The following GGNBP2 variants were observed in gnomAD, a reference collection of about 807,000 sequenced individuals.
GGNBP2 encodes the protein gametogenetin binding protein 2.
Under a neutral mutation model 85.9 loss-of-function variants are expected in GGNBP2, and 10 were observed. The observed-to-expected ratio is 0.12, with a 90% confidence interval of 0.07 to 0.20. The LOEUF is 0.20. Ranked by LOEUF, GGNBP2 falls within the 10% of genes least tolerant of loss-of-function variation. The pLI is 1.00. For synonymous variants in GGNBP2, 287 were observed against 285.7 expected, an observed-to-expected ratio of 1.00 and a Z score of -0.05; for missense variants, 595 against 857.8, an observed-to-expected ratio of 0.69 and a Z score of 3.83.
At position 36,589,534 on chromosome 17, in the gene GGNBP2, C is replaced by A; in HGVS notation, c.*123C>A. 2 of 715,754 alleles carry A rather than the reference C, an allele frequency of 2.8e-6. No individual in the cohort carries two copies. The highest frequency in any genetic ancestry group is 2.7e-4 in the Middle Eastern group (1 of 3,760). 44.3% of individuals were successfully genotyped at this position (715,754 alleles called of 1,614,324 possible). ...TTATCTTAAATCAATGTGATTCTTT[C>A]TTGTTTTGGGAGACGGTGGAGGTAT... On this transcript the variant is annotated 3_prime_UTR_variant, in exon 14 of 14. Coordinates refer to ENST00000613102, the MANE Select transcript of GGNBP2 (RefSeq NM_024835.5).
chr17:36,555,217 T>C (rs1446199076), intron 3 of GGNBP2, among the ~76,000 whole-genome samples: 1 of 152,252 alleles, frequency 6.6e-6, no homozygotes, highest in Non-Finnish European at 1.5e-5. Context: ...TTTTCTGCTG[T>C]ACTAATTGTT....
At chr17:36,586,417 A>G (rs187709042) in intron 12 of GGNBP2, 63 of 556,262 alleles carry the variant, frequency 1.1e-4, no homozygotes, top group African/African-American at 7.1e-4. Flanking sequence ...CAGAAATTCA[A>G]TTGTTCTTTT....
chr17:36,545,847 C>A (rs1199444078), intron 2 of GGNBP2, 30 bp downstream of exon 2: 1 of 1,474,972 alleles, frequency 6.8e-7, no homozygotes, highest in African/African-American at 1.4e-5. Context: ...CTGGGCCCGC[C>A]GCTCCCCTGG....
rs1356139392 is a variant in GGNBP2, at chr17:36,589,456, T to G, written c.*45T>G. ...CTTTCAATGAAACACTCACGATGAC[T>G]ACTGCGCCTTCTCTTTCGAAAAACT... On this transcript the variant is annotated 3_prime_UTR_variant, in exon 14 of 14. Coordinates refer to ENST00000613102, the MANE Select transcript of GGNBP2 (RefSeq NM_024835.5). The G allele has an allele frequency of 4.2e-6, 6 of 1,420,198 alleles. No homozygotes were observed. In the East Asian group the frequency reaches 1.4e-4, roughly 32 times the overall value. 88.0% of individuals were successfully genotyped at this position (1,420,198 alleles called of 1,614,324 possible).
intron 7 of GGNBP2, chr17:36,578,949 A>G (rs1267277976): frequency 7.5e-6 from 2 of 266,974 alleles, no homozygotes; most frequent in Non-Finnish European, 1.4e-5. Context: ...TGTTGTGTCT[A>G]CTATGAGCTG....
chr17:36,573,503 T>C (rs973303296), intron 6 of GGNBP2, among the ~76,000 whole-genome samples: 1 of 152,248 alleles, frequency 6.6e-6, no homozygotes, highest in South Asian at 2.1e-4. Context: ...TGTGCAAATA[T>C]CTCTTCAAGA....
intron 2 of GGNBP2, among the ~76,000 whole-genome samples, chr17:36,551,829 CAAAAA>C (rs991187954): frequency 6.7e-6 from 1 of 148,852 alleles, no homozygotes; most frequent in Non-Finnish European, 1.5e-5. Context: ...GACCCTGTCT[CAAAAA>C]AAAAATTTTA....
chr17:36,556,960 G>A, intron 3 of GGNBP2, 123 bp from the exon 4 acceptor site: 1 of 1,110,452 alleles, frequency 9.0e-7, no homozygotes, highest in African/African-American at 1.5e-5. Context: ...CTCAGTTGCA[G>A]GTAGAGCTGG....
chr17:36,558,345 G>A (rs1223164293), intron 4 of GGNBP2, among the ~76,000 whole-genome samples: 17 of 144,568 alleles, frequency 1.2e-4, no homozygotes, highest in African/African-American at 4.1e-4. Flanking sequence ...AACCCGGGAG[G>A]CGGCAGTTGC....
intron 6 of GGNBP2, among the ~76,000 whole-genome samples, chr17:36,574,217 C>A (rs548756363): frequency 5.9e-5 from 9 of 152,046 alleles, no homozygotes; most frequent in African/African-American, 2.2e-4. Context: ...CGTTGCAGAT[C>A]AAGTAGAGGA....
intron 6 of GGNBP2, among the ~76,000 whole-genome samples, chr17:36,572,652 C>G (rs1425538127): frequency 2.6e-5 from 4 of 152,052 alleles, no homozygotes; most frequent in Admixed American, 2.6e-4. Context: ...CAAGAGTATG[C>G]CACTGCACTC....
At chr17:36,575,271 A>G (rs547997994) in intron 6 of GGNBP2, 81 of 581,900 alleles carry the variant, frequency 1.4e-4, no homozygotes, top group African/African-American at 1.0e-3. Flanking sequence ...AAGCCACTGC[A>G]TTTCCCCATC....
chr17:36,579,123 A>T, intron 7 of GGNBP2, 122 bp from the exon 8 acceptor site: 1 of 740,158 alleles, frequency 1.4e-6, no homozygotes, highest in Non-Finnish European at 2.3e-6. Context: ...GTTGAGTGTA[A>T]ATGTATAACT....
At chr17:36,558,761 C>CT (rs79491251) in intron 4 of GGNBP2, among the ~76,000 whole-genome samples, 7,311 of 148,428 alleles carry the variant, frequency 0.049, 245 homozygotes, top group East Asian at 0.11. Flanking sequence ...TGGCTGAGGT[C>CT]TTTTTTTTTT....
chr17:36,573,809 G>A (rs2074549887), intron 6 of GGNBP2, among the ~76,000 whole-genome samples: 1 of 152,016 alleles, frequency 6.6e-6, no homozygotes, highest in Admixed American at 6.6e-5. Flanking sequence ...TATGTTTGCT[G>A]GCCATTTGTA....
intron 2 of GGNBP2, chr17:36,546,151 T>C (rs2074252492): frequency 2.4e-6 from 1 of 409,144 alleles, no homozygotes; most frequent in Non-Finnish European, 4.3e-6. Flanking sequence ...GTTTAGGGCC[T>C]ACCCCATACA....
chr17:36,575,101 C>T lies in GGNBP2; in HGVS notation c.642-2882C>T, dbSNP rs572178609. 23 of 806,508 alleles carry T rather than the reference C, an allele frequency of 2.9e-5. No individual in the cohort carries two copies. The African/African-American group carries it at 3.0e-4, about 10-fold the overall frequency. The allele number at this position is 806,508 out of a possible 1,614,324, so 50.0% of individuals were successfully genotyped here. The stretch of plus-strand genomic sequence containing the variant: ...TCATGGGCAGGGAGAAGACATACAT[C>T]TCCTCCAGGGACTTGATCTTCATGT... On this transcript the variant is annotated intron_variant, in intron 6 of 13. Transcript: ENST00000613102.
intron 9 of GGNBP2, among the ~76,000 whole-genome samples, chr17:36,584,935 C>T (rs1305615003): frequency 7.1e-6 from 1 of 140,118 alleles, no homozygotes; most frequent in African/African-American, 2.7e-5. Context: ...GCCTAAGTGA[C>T]AGAGGGAGAC....
At position 36,560,087 on chromosome 17, in the gene GGNBP2, C is replaced by T. The variant is rs185743026; in HGVS notation, c.429-686C>T. On this transcript the variant is annotated intron_variant, in intron 4 of 13. Transcript: ENST00000613102. ...CTCCTGGCCTCAGTCTCCCAAAGTG[C>T]TGGGATTACAGGTGTGAGCCACCAT... 2.8e-4 allele frequency among the ~76,000 whole-genome samples: 42 copies of T among 152,198 alleles called. 1 individual carries two copies. The highest frequency in any genetic ancestry group is 1.7e-3 in the Admixed American group (26 of 15,282).
Sources: allele counts gnomAD v4.1 joint callset (sites outside exome capture counted in the v4.1 genomes callset), GRCh38; gene constraint gnomAD v4.1.1; transcripts MANE v1.5; gene names NCBI Gene and HGNC (gene_info 2026-07-23, HGNC 2026-07-21).